SAMMSON: variants seen among roughly 807,000 people sequenced by gnomAD.
SAMMSON encodes long intergenic non-protein coding RNA 1212.
chr3:70,107,195 C>T (rs1028722776), intron 4 of SAMMSON, among the ~76,000 whole-genome samples: 4 of 152,104 alleles, frequency 2.6e-5, no homozygotes, highest in Admixed American at 1.3e-4. Context: ...TCAAAAGAAA[C>T]GGAGGGAAAG....
intron 7 of SAMMSON, among the ~76,000 whole-genome samples, chr3:70,306,321 C>T (rs1702399770): frequency 6.6e-6 from 1 of 152,156 alleles, no homozygotes; most frequent in Non-Finnish European, 1.5e-5. Flanking sequence ...CCATGTTGGC[C>T]AGGCTGGTCT....
intron 3 of SAMMSON, among the ~76,000 whole-genome samples, chr3:70,025,703 A>G (rs760807059): frequency 2.0e-5 from 3 of 152,240 alleles, no homozygotes; most frequent in Non-Finnish European, 2.9e-5. Context: ...CTTTTGACTC[A>G]CTACAAACTT....
At chr3:70,066,012 C>T (rs1367999632) in intron 3 of SAMMSON, among the ~76,000 whole-genome samples, 1 of 152,062 alleles carries the variant, frequency 6.6e-6, no homozygotes, top group Non-Finnish European at 1.5e-5. Context: ...CCTATGTAAC[C>T]AAAATTGATC....
intron 4 of SAMMSON, among the ~76,000 whole-genome samples, chr3:70,149,254 T>C (rs1462476983): frequency 3.3e-5 from 5 of 152,134 alleles, no homozygotes; most frequent in Non-Finnish European, 5.9e-5. Context: ...AGTCTCTTTA[T>C]ATACCAGACA....
Position 70,021,124 on chromosome 3 carries a change from A to G in SAMMSON, n.417+7452A>G, listed in dbSNP as rs568650200. ...TCACCACATTGGCTGTTCATGGAAA[A>G]CATTCCCTGTGTGTGTGTACATTCA... is the stretch of plus-strand genomic sequence containing the variant. On this transcript the variant is annotated intron_variant and non_coding_transcript_variant, in intron 3 of 9. Coordinates refer to ENST00000642114, the Ensembl canonical transcript of SAMMSON. Among the ~76,000 whole-genome samples, 36 of 152,250 alleles carry G rather than the reference A, an allele frequency of 2.4e-4. 1 individual carries two copies. Among genetic ancestry groups the G allele is most frequent in the South Asian group, 2.1e-3 (10 of 4,824 alleles).
downstream of SAMMSON, among the ~76,000 whole-genome samples, chr3:70,390,968 A>C (rs77573191): frequency 0.02 from 3,090 of 152,176 alleles, 97 homozygotes; most frequent in East Asian, 0.12. Context: ...TTTGTTGACA[A>C]ATTCATGTTA....
intron 4 of SAMMSON, chr3:70,094,919 A>G (rs1046665320): frequency 7.9e-5 from 12 of 152,218 alleles, no homozygotes; most frequent in African/African-American, 2.9e-4. Context: ...CAATACATAG[A>G]GGCTGTACAT....
chr3:70,017,868 T>G (rs915801028), intron 3 of SAMMSON, among the ~76,000 whole-genome samples: 3 of 152,190 alleles, frequency 2.0e-5, no homozygotes, highest in Non-Finnish European at 4.4e-5. Context: ...TTGGTTCTGT[T>G]TATATGCTGG....
chr3:70,272,317 A>G (rs1424828915), intron 6 of SAMMSON: 1 of 152,034 alleles, frequency 6.6e-6, no homozygotes, highest in East Asian at 1.9e-4. Context: ...CCAGGCAATC[A>G]CTTTCTGCTA....
chr3:70,296,632 G>A (rs1356552433), intron 7 of SAMMSON, among the ~76,000 whole-genome samples: 2 of 152,094 alleles, frequency 1.3e-5, no homozygotes, highest in African/African-American at 4.8e-5. Flanking sequence ...TGTCCTTGAT[G>A]TTTTCTTTTC....
At chr3:70,197,536 G>T (rs1701194104) in intron 4 of SAMMSON, among the ~76,000 whole-genome samples, 1 of 152,168 alleles carries the variant, frequency 6.6e-6, no homozygotes, top group Non-Finnish European at 1.5e-5. Flanking sequence ...CTGAAAAATT[G>T]CAGGGACTCC....
At chr3:70,258,212 C>G (rs1386741064) in intron 6 of SAMMSON, among the ~76,000 whole-genome samples, 1 of 152,022 alleles carries the variant, frequency 6.6e-6, no homozygotes, top group East Asian at 1.9e-4. Context: ...AAAATATTTG[C>G]AACTTTGAGC....
intron 4 of SAMMSON, among the ~76,000 whole-genome samples, chr3:70,105,971 G>A (rs946522784): frequency 1.3e-5 from 2 of 152,024 alleles, no homozygotes; most frequent in Non-Finnish European, 2.9e-5. Context: ...CAGGAACAAC[G>A]ATATAGTTGG....
intron 9 of SAMMSON, among the ~76,000 whole-genome samples, chr3:70,385,120 C>A (rs555285737): frequency 1.3e-5 from 2 of 152,090 alleles, no homozygotes; most frequent in Admixed American, 1.3e-4. Flanking sequence ...CTTTGATAGA[C>A]AAGGTGGTGT....
intron 7 of SAMMSON, among the ~76,000 whole-genome samples, chr3:70,296,654 C>T (rs143294045): frequency 2.7e-4 from 41 of 152,264 alleles, no homozygotes; most frequent in African/African-American, 9.1e-4. Flanking sequence ...TCCATTCCCA[C>T]AGCCAATTAC....
chr3:70,193,551 T>C (rs925435700), intron 4 of SAMMSON, among the ~76,000 whole-genome samples: 3 of 152,166 alleles, frequency 2.0e-5, no homozygotes, highest in Admixed American at 6.5e-5. Context: ...CACTGGAAAT[T>C]TGTTTGACTC....
At chr3:70,187,107 C>T (rs1448578696) in intron 4 of SAMMSON, among the ~76,000 whole-genome samples, 1 of 152,062 alleles carries the variant, frequency 6.6e-6, no homozygotes, top group Admixed American at 6.6e-5. Flanking sequence ...CCACCAAGGC[C>T]GAATGGGGAG....
chr3:70,062,466 C>T (rs2067193946), intron 3 of SAMMSON, among the ~76,000 whole-genome samples: 1 of 152,082 alleles, frequency 6.6e-6, no homozygotes, highest in Admixed American at 6.6e-5. Context: ...TCATTGAGGA[C>T]AGACTCTGGT....
At chr3:70,125,430 C>G (rs565538386) in intron 4 of SAMMSON, 2 of 1,071,482 alleles carry the variant, frequency 1.9e-6, no homozygotes, top group South Asian at 1.4e-5. Flanking sequence ...GAAATTCTGT[C>G]CTTTTCCAAT....
Sources: allele counts gnomAD v4.1 joint callset (sites outside exome capture counted in the v4.1 genomes callset), GRCh38; gene constraint gnomAD v4.1.1; transcripts MANE v1.5; gene names NCBI Gene and HGNC (gene_info 2026-07-23, HGNC 2026-07-21).